The following MAML3 variants were observed in gnomAD, a reference collection of about 807,000 sequenced individuals.
The protein encoded by MAML3 is mastermind like transcriptional coactivator 3.
MAML3 carries 27 observed loss-of-function variants against 101.9 expected under a neutral mutation model. That is an observed-to-expected ratio of 0.27 (90% confidence interval 0.20 to 0.37). MAML3 has a LOEUF of 0.37. Ranked by LOEUF, MAML3 falls within the 10% of genes least tolerant of loss-of-function variation. MAML3 has a pLI of 1.00. For synonymous variants in MAML3, 501 were observed against 555.9 expected, an observed-to-expected ratio of 0.90 and a Z score of 1.39; for missense variants, 1,316 against 1,444.9, an observed-to-expected ratio of 0.91 and a Z score of 1.45.
At chr4:139,873,088 T>A (rs890238671) in intron 2 of MAML3, among the ~76,000 whole-genome samples, 5 of 151,098 alleles carry the variant, frequency 3.3e-5, no homozygotes, top group East Asian at 1.9e-4. Context: ...TCTCAAAAAA[T>A]AAATAAATAA....
intron 2 of MAML3, among the ~76,000 whole-genome samples, chr4:139,776,429 G>A (rs1172806554): frequency 6.6e-6 from 1 of 152,112 alleles, no homozygotes; most frequent in Non-Finnish European, 1.5e-5. Context: ...AAGTGACTCT[G>A]CAGATTAGGT....
intron 2 of MAML3, among the ~76,000 whole-genome samples, chr4:139,862,834 G>C (rs563794349): frequency 2.9e-4 from 44 of 152,336 alleles, no homozygotes; most frequent in African/African-American, 9.9e-4. Flanking sequence ...GGAATATGGA[G>C]CAGTACAGGC....
At chr4:139,803,525 T>C (rs1730647260) in intron 2 of MAML3, among the ~76,000 whole-genome samples, 1 of 152,164 alleles carries the variant, frequency 6.6e-6, no homozygotes, top group South Asian at 2.1e-4. Context: ...AATAACCATG[T>C]TTGCTAGGAA....
intron 1 of MAML3, among the ~76,000 whole-genome samples, chr4:140,069,414 G>GAGGGGA (rs1560883597): frequency 4.3e-4 from 28 of 64,710 alleles, no homozygotes; most frequent in Admixed American, 2.1e-3. Context: ...GGAGGAGGAG[G>GAGGGGA]AGGAGGGGAA....
chr4:139,738,508 A>G (rs953282607), intron 2 of MAML3, among the ~76,000 whole-genome samples: 1 of 152,136 alleles, frequency 6.6e-6, no homozygotes, highest in African/African-American at 2.4e-5. Flanking sequence ...GCACCACTGC[A>G]CTCCAGCCTG....
chr4:139,852,403 GTTTTTTTTTTTTTTT>G (rs67349785), intron 2 of MAML3, among the ~76,000 whole-genome samples: 7 of 68,326 alleles, frequency 1.0e-4, no homozygotes, highest in African/African-American at 4.0e-4. Flanking sequence ...TCAGAAGACT[GTTTTTTTTTTTTTTT>G]TTTTTTTTTT....
At chr4:140,039,716 A>C (rs888961515) in intron 1 of MAML3, among the ~76,000 whole-genome samples, 44 of 152,180 alleles carry the variant, frequency 2.9e-4, no homozygotes, top group African/African-American at 1.1e-3. Flanking sequence ...CAAAGAGGCC[A>C]CTTCAGTGGA....
At chr4:139,820,698 A>G (rs191637730) in intron 2 of MAML3, among the ~76,000 whole-genome samples, 4 of 152,332 alleles carry the variant, frequency 2.6e-5, no homozygotes, top group Admixed American at 2.6e-4. Context: ...TATGTTATCA[A>G]AAACTCTTCT....
At chr4:139,859,040 T>C (rs1266954363) in intron 2 of MAML3, among the ~76,000 whole-genome samples, 1 of 152,126 alleles carries the variant, frequency 6.6e-6, no homozygotes, top group Non-Finnish European at 1.5e-5. Context: ...ATTATGACTA[T>C]ACCAGCTCTC....
chr4:139,749,060 A>G (rs28385370), intron 2 of MAML3, among the ~76,000 whole-genome samples: 4,710 of 152,266 alleles, frequency 0.031, 202 homozygotes, highest in East Asian at 0.2. Flanking sequence ...AACAATCCAA[A>G]AGCTCTAAAC....
intron 1 of MAML3, among the ~76,000 whole-genome samples, chr4:139,896,653 A>ATGTGGTGTGTGTGT (rs1168842655): frequency 3.0e-5 from 4 of 131,264 alleles, no homozygotes; most frequent in African/African-American, 1.1e-4. Flanking sequence ...TGTGTGTGTG[A>ATGTGGTGTGTGTGT]GAGAGAGAGA....
intron 1 of MAML3, among the ~76,000 whole-genome samples, chr4:140,139,797 G>A (rs77060342): frequency 1.1e-4 from 17 of 152,202 alleles, no homozygotes; most frequent in East Asian, 1.9e-4. Context: ...GGAAGTGTAC[G>A]TCATGCAAAA....
chr4:139,812,196 G>A (rs777346787), intron 2 of MAML3, among the ~76,000 whole-genome samples: 20 of 152,108 alleles, frequency 1.3e-4, no homozygotes, highest in Admixed American at 2.0e-4. Flanking sequence ...AAGCTGTAGT[G>A]AGCTATGGTT....
At chr4:139,722,323 G>A (rs345980) in intron 4 of MAML3, among the ~76,000 whole-genome samples, 140,515 of 152,254 alleles carry the variant, frequency 0.92, 64,966 homozygotes, top group East Asian at 1. Flanking sequence ...TTCACCTAAG[G>A]GAAATAAAAG....
At chr4:139,817,293 T>C (rs1287887903) in intron 2 of MAML3, among the ~76,000 whole-genome samples, 3 of 152,212 alleles carry the variant, frequency 2.0e-5, no homozygotes, top group Non-Finnish European at 4.4e-5. Flanking sequence ...CATCTCCATT[T>C]GTTGGCTCAG....
chr4:139,771,291 A>C (rs903597822), intron 2 of MAML3, among the ~76,000 whole-genome samples: 5 of 152,228 alleles, frequency 3.3e-5, no homozygotes, highest in African/African-American at 1.2e-4. Context: ...AACTTTCCTA[A>C]GACTGAGCCT....
chr4:140,012,157 A>C (rs1222302590), intron 1 of MAML3, among the ~76,000 whole-genome samples: 1 of 152,228 alleles, frequency 6.6e-6, no homozygotes, highest in African/African-American at 2.4e-5. Flanking sequence ...CAACCCAAAA[A>C]ATTTTATTTT....
chr4:139,918,035 C>T (rs1054372158), intron 1 of MAML3, among the ~76,000 whole-genome samples: 1 of 152,024 alleles, frequency 6.6e-6, no homozygotes, highest in African/African-American at 2.4e-5. Context: ...CACCTATGTT[C>T]GGACGCTGTG....
At chr4:139,953,171 T>C (rs1405384955) in intron 1 of MAML3, among the ~76,000 whole-genome samples, 1 of 152,206 alleles carries the variant, frequency 6.6e-6, no homozygotes, top group East Asian at 1.9e-4. Flanking sequence ...TTGAGACGTC[T>C]CTGGAAGAAA....
Sources: gnomAD v4.1 joint callset for allele counts (sites outside exome capture counted in the v4.1 genomes callset) on GRCh38, gnomAD v4.1.1 for gene constraint, MANE v1.5 for transcripts, NCBI Gene and HGNC (gene_info 2026-07-23, HGNC 2026-07-21) for gene names.